Variants in ZNF414 observed in about 807,000 individuals in gnomAD.
The protein encoded by ZNF414 is zinc finger protein 414.
Under a neutral mutation model 38.3 loss-of-function variants are expected in ZNF414, and 32 were observed. The observed-to-expected ratio is 0.83, with a 90% CI of 0.63 to 1.12. The LOEUF (loss-of-function observed/expected upper bound fraction) is 1.12. Among genes scored for constraint, ZNF414 ranks in the 50% most tolerant of loss-of-function variants. The pLI, the probability that ZNF414 is intolerant of heterozygous loss-of-function variation, is 0.00. For missense variants in ZNF414, 589 were observed against 557.4 expected, an observed-to-expected ratio of 1.06 and a Z score of -0.57; for synonymous variants, 256 against 248.0, an observed-to-expected ratio of 1.03 and a Z score of -0.30.
At chr19:8,512,795 A>T in intron 2 of ZNF414, 84 bp from the exon 3 acceptor site, 1 of 1,313,594 alleles carries the variant, frequency 7.6e-7, no homozygotes, top group East Asian at 2.6e-5. Flanking sequence ...CAGAGAAGCA[A>T]ATATGATGTG....
intron 4 of ZNF414, 156 bp downstream of exon 4, chr19:8,512,231 C>T: frequency 6.9e-7 from 1 of 1,444,150 alleles, no homozygotes; most frequent in Non-Finnish European, 9.2e-7. Flanking sequence ...CACGTATGCC[C>T]CGCCCCATCC....
At position 8,510,632 on chromosome 19, in the gene ZNF414, G is replaced by C; in HGVS notation, c.*59C>G. 2 of 1,465,658 alleles carry C rather than the reference G, an allele frequency of 1.4e-6. No homozygotes were observed. Among genetic ancestry groups the C allele is most frequent in the South Asian group, 1.3e-5 (1 of 77,606 alleles). 90.8% of individuals were successfully genotyped at this position (1,465,658 alleles called of 1,614,324 possible). ...TCCACCCCAGCCCCCCTTCCCTGCA[G>C]CCCCCTCCAAATGACAAAACTACCC... On this transcript the variant is annotated 3_prime_UTR_variant, in exon 8 of 8. Transcript: ENST00000393927.
chr19:8,511,885 C>A lies in ZNF414; in HGVS notation c.606G>T (p.Ala202=), dbSNP rs1198075572. The change falls in exon 5 of 8, where the codon GCG becomes GCT. Residue 202 remains alanine, a synonymous_variant. Coordinates refer to ENST00000393927, the MANE Select transcript of ZNF414 (RefSeq NM_001146175.2). ...FKHLHVCAEH[A]QSPAPPPPPA... ...GGGGTGGCGGCGGGGCTGGGCTCTG[C>A]GCATGCTCCGCGCAAACATGCAGGT... 2 of 1,409,516 alleles carry A rather than the reference C, an allele frequency of 1.4e-6. No individual in the cohort carries two copies. The highest frequency in any genetic ancestry group is 3.1e-5 in the Admixed American group (1 of 31,776). 87.3% of individuals were successfully genotyped at this position (1,409,516 alleles called of 1,614,324 possible). A position where few individuals can be genotyped will look rare whatever the true frequency, so the allele number is the denominator to read the frequency against.
Position 8,514,106 on chromosome 19 carries a change from C to T in ZNF414, c.-60G>A. The stretch of plus-strand genomic sequence containing the variant: ...CCGGCGGCTGCAGCTTAGGCGGCGG[C>T]CACCCTCTGGGCAGTGCGAGTTCGC... On this transcript the variant is annotated 5_prime_UTR_variant, in exon 1 of 8. Coordinates refer to ENST00000393927, the MANE Select transcript of ZNF414 (RefSeq NM_001146175.2). 1 of 1,450,592 alleles carries T rather than the reference C, an allele frequency of 6.9e-7. No homozygotes were observed. The highest frequency in any genetic ancestry group is 9.1e-7 in the Non-Finnish European group (1 of 1,103,462). The allele number at this position is 1,450,592 out of a possible 1,614,324, so 89.9% of individuals were successfully genotyped here. A position where few individuals can be genotyped will look rare whatever the true frequency, so the allele number is the denominator to read the frequency against.
rs369774803 is a variant in ZNF414 at position 8,513,809 on chromosome 19, A to G, written c.3+235T>C. Among the ~76,000 whole-genome samples, 14 of 152,202 alleles carry G rather than the reference A, an allele frequency of 9.2e-5. 2 individuals carry two copies. The highest frequency in any genetic ancestry group is 2.0e-4 in the Admixed American group (3 of 15,286). ...CGGCCGGCCTCGAGCAGTGTGGACAATCTTGGAGGTGCTGGGGGCCCGGAT... is the reference window on the plus strand; with the variant it reads ...CGGCCGGCCTCGAGCAGTGTGGACAGTCTTGGAGGTGCTGGGGGCCCGGAT... On this transcript the variant is annotated intron_variant, in intron 1 of 7. Coordinates refer to ENST00000393927, the MANE Select transcript of ZNF414 (RefSeq NM_001146175.2).
At position 8,512,676 on chromosome 19, in the gene ZNF414, G is replaced by A. The variant is rs1479861871; in HGVS notation, c.352C>T (p.Leu118Phe). The change falls in exon 3 of 8, where the codon CTC (leucine) becomes TTC (phenylalanine). Residue 118 changes from leucine (L) to phenylalanine (F), a missense_variant. By Grantham distance (22) the Leu-to-Phe change is conservative. Coordinates refer to ENST00000393927, the MANE Select transcript of ZNF414 (RefSeq NM_001146175.2). ...AGGTCACGGACGCTGGGAAAACTGA[G>A]GCAGCAGCCAGGGCTGGAGCAAGGG... ...QIPCSSPGCC[L>F]SFPSVRDLAQ... 5 of 1,578,112 alleles carry A rather than the reference G, an allele frequency of 3.2e-6. No individual in the cohort carries two copies.
At chr19:8,513,001 T>A in intron 2 of ZNF414, 28 bp downstream of exon 2, 1 of 1,438,156 alleles carries the variant, frequency 7.0e-7, no homozygotes, top group Non-Finnish European at 9.1e-7. Flanking sequence ...GGGACTGTGA[T>A]TCCCCAGAAG....
At position 8,511,964 on chromosome 19, in the gene ZNF414, G is replaced by T; in HGVS notation, c.531-4C>A. 1 of 1,414,478 alleles carries T rather than the reference G, an allele frequency of 7.1e-7. No individual in the cohort carries two copies. The allele number at this position is 1,414,478 out of a possible 1,614,324, so 87.6% of individuals were successfully genotyped here. A position where few individuals can be genotyped will look rare whatever the true frequency, so the allele number is the denominator to read the frequency against. Reference sequence around the variant, plus strand: ...GCGCAGGAGGCAGTTCTCACACCTGGAGGTGGGCAGAGGGCTGGGCTGGGC... The same window carrying T: ...GCGCAGGAGGCAGTTCTCACACCTGTAGGTGGGCAGAGGGCTGGGCTGGGC... On this transcript the variant is annotated splice_region_variant and splice_polypyrimidine_tract_variant and intron_variant, in intron 4 of 7. Coordinates refer to ENST00000393927, the MANE Select transcript of ZNF414 (RefSeq NM_001146175.2).
Position 8,512,447 on chromosome 19 carries a change from G to A in ZNF414, c.470C>T (p.Pro157Leu). ...CSALSCTETFPSMQELVAHSK... is the reference protein window; with the variant it reads ...CSALSCTETFLSMQELVAHSK... ...GTGAGCCACCAGCTCCTGCATGCTG[G>A]GGAAGGTCTCGGTGCAGCTCAGGGC... is the stretch of plus-strand genomic sequence containing the variant. The change falls in exon 4 of 8, where the codon CCC (proline) becomes CTC (leucine). Residue 157 changes from proline (P) to leucine (L), a missense_variant. By Grantham distance (98) the Pro-to-Leu change is moderately conservative (BLOSUM62 -3). Coordinates refer to ENST00000393927, the MANE Select transcript of ZNF414 (RefSeq NM_001146175.2). 3.1e-6 allele frequency: 5 copies of A among 1,614,214 alleles called. No homozygotes were observed. Among genetic ancestry groups the A allele is most frequent in the Non-Finnish European group, 4.2e-6 (5 of 1,180,032 alleles).
chr19:8,513,450 G>A, intron 1 of ZNF414, 109 bp from the exon 2 acceptor site: 2 of 1,065,094 alleles, frequency 1.9e-6, no homozygotes, highest in South Asian at 1.6e-5. Flanking sequence ...ACGTAAGGGT[G>A]GACTAAGCTC....
intron 2 of ZNF414, 89 bp from the exon 3 acceptor site, chr19:8,512,800 G>T: frequency 7.8e-7 from 1 of 1,285,800 alleles, no homozygotes; most frequent in African/African-American, 1.5e-5. Flanking sequence ...AAGCAAATAT[G>T]ATGTGCTGGG....
At position 8,512,666 on chromosome 19, in the gene ZNF414, G is replaced by T; in HGVS notation, c.362C>A (p.Pro121His). 1 of 1,584,644 alleles carries T rather than the reference G, an allele frequency of 6.3e-7. No individual in the cohort carries two copies. Among genetic ancestry groups the T allele is most frequent in the South Asian group, 1.2e-5 (1 of 86,504 alleles). Residue 121 changes from proline (P) to histidine (H), a missense_variant, in exon 3 of 8, where the codon CCC becomes CAC. Pro to His is a moderately conservative substitution (Grantham distance 77, BLOSUM62 -2). Transcript: ENST00000393927. ...ATGCTGTGCCAGGTCACGGACGCTG[G>T]GAAAACTGAGGCAGCAGCCAGGGCT... is the stretch of plus-strand genomic sequence containing the variant. The part of the protein sequence containing the change: ...CSSPGCCLSF[P>H]SVRDLAQHLR...
rs994565304 is a variant in ZNF414 at position 8,513,090 on chromosome 19, C to T, written c.255G>A (p.Leu85=). The T allele has an allele frequency of 4.6e-6, 7 of 1,517,058 alleles. No homozygotes were observed. The highest frequency in any genetic ancestry group is 6.2e-6 in the Non-Finnish European group (7 of 1,135,218). 94.0% of individuals were successfully genotyped at this position (1,517,058 alleles called of 1,614,324 possible). Residue 85 remains leucine, a synonymous_variant, in exon 2 of 8, where the codon CTG becomes CTA. Transcript: ENST00000393927. ...CGCTGGTCCCGGAGACTATGCTGGT[C>T]AGGCCAGGGCTGGGTCCGGGGCCAG... The part of the protein sequence containing the change: ...CQPGPGPSPG[L]TSIVSGTSED...
chr19:8,512,788 A>G lies in ZNF414; in HGVS notation c.317-77T>C, dbSNP rs573970958. 4.5e-6 allele frequency: 6 copies of G among 1,343,802 alleles called. No individual in the cohort carries two copies. In the African/African-American group the frequency reaches 7.4e-5, roughly 17 times the overall value. The allele number at this position is 1,343,802 out of a possible 1,614,324, so 83.2% of individuals were successfully genotyped here. A position where few individuals can be genotyped will look rare whatever the true frequency, so the allele number is the denominator to read the frequency against. ...CCCTGACCCCAGGGTTCTGCCCCAG[A>G]GAAGCAAATATGATGTGCTGGGGCC... On this transcript the variant is annotated intron_variant, in intron 2 of 7. Transcript: ENST00000393927.
chr19:8,513,601 C>T (rs1191866446), intron 1 of ZNF414, among the ~76,000 whole-genome samples: 1 of 152,126 alleles, frequency 6.6e-6, no homozygotes, highest in African/African-American at 2.4e-5. Context: ...CCGGATTGAG[C>T]TCCTTATGCA....
At chr19:8,513,893 C>G in intron 1 of ZNF414, 151 bp downstream of exon 1, 9 of 1,011,226 alleles carry the variant, frequency 8.9e-6, no homozygotes, top group Non-Finnish European at 1.2e-5. Flanking sequence ...CGGGCCGGGC[C>G]CGGAAGTAGG....
At chr19:8,512,226 A>G in intron 4 of ZNF414, 161 bp downstream of exon 4, 1 of 1,431,668 alleles carries the variant, frequency 7.0e-7, no homozygotes, top group African/African-American at 1.4e-5. Flanking sequence ...ACGCCCACGT[A>G]TGCCCCGCCC....
chr19:8,513,915 G>A, intron 1 of ZNF414, 129 bp downstream of exon 1: 2 of 1,173,682 alleles, frequency 1.7e-6, no homozygotes, highest in Non-Finnish European at 2.2e-6. Flanking sequence ...CGCTCTCCGA[G>A]TGACAGCCAG....
chr19:8,511,464 C>T (rs373502853), intron 6 of ZNF414, 22 bp downstream of exon 6: 28 of 1,609,746 alleles, frequency 1.7e-5, no homozygotes, highest in Non-Finnish European at 2.4e-5. Flanking sequence ...TCCACCCCTC[C>T]CTGGTGGTCA....
Sources: gnomAD v4.1 joint callset for allele counts (sites outside exome capture counted in the v4.1 genomes callset) on GRCh38, gnomAD v4.1.1 for gene constraint, MANE v1.5 for transcripts, NCBI Gene and HGNC (gene_info 2026-07-23, HGNC 2026-07-21) for gene names.